Variants in CFAP251 observed in about 807,000 individuals in gnomAD.
The protein encoded by CFAP251 is cilia and flagella associated protein 251.
Under a neutral mutation model 126.7 loss-of-function variants are expected in CFAP251, and 93 were observed. That is an observed-to-expected ratio of 0.73 (90% CI 0.62 to 0.87). The LOEUF (loss-of-function observed/expected upper bound fraction) is 0.87, where lower values mean the gene tolerates loss of function less well. Among genes scored for constraint, CFAP251 ranks in the 40% least tolerant of loss-of-function variants. The pLI, the probability that CFAP251 is intolerant of heterozygous loss-of-function variation, is 0.00. For missense variants in CFAP251, 1,287 were observed against 1,389.2 expected (o/e 0.93, Z 1.17); for synonymous variants, 503 against 506.9 (o/e 0.99, Z 0.10).
intron 19 of CFAP251, among the ~76,000 whole-genome samples, chr12:121,976,966 T>C (rs1882476113): frequency 6.6e-6 from 1 of 152,258 alleles, no homozygotes; most frequent in Admixed American, 6.5e-5. Context: ...CTTTTATTAA[T>C]ATTTTCCTGT....
At chr12:122,002,037 AC>A (rs1883163123) in intron 21 of CFAP251, 1 of 202,230 alleles carries the variant, frequency 4.9e-6, no homozygotes, top group East Asian at 1.0e-4. Context: ...GGCCTGGGCA[AC>A]ATAGCGAGAT....
chr12:121,959,330 A>G (rs780826427), intron 13 of CFAP251: 4 of 402,338 alleles, frequency 9.9e-6, no homozygotes, highest in Non-Finnish European at 1.8e-5. Flanking sequence ...AGCCCCAGTT[A>G]TCCAGGAGGC....
chr12:121,925,315 T>C (rs1880367523), intron 3 of CFAP251, among the ~76,000 whole-genome samples: 1 of 152,192 alleles, frequency 6.6e-6, no homozygotes, highest in African/African-American at 2.4e-5. Context: ...TTTTTCCTTC[T>C]TCCTCCATCT....
intron 15 of CFAP251, among the ~76,000 whole-genome samples, chr12:121,964,631 C>T (rs374406884): frequency 2.0e-5 from 3 of 152,336 alleles, no homozygotes; most frequent in Non-Finnish European, 2.9e-5. Context: ...TTCAGCCGGG[C>T]GTGGTGGCTC....
intron 19 of CFAP251, among the ~76,000 whole-genome samples, chr12:121,981,411 A>C (rs149794443): frequency 5.9e-4 from 90 of 152,266 alleles, no homozygotes; most frequent in African/African-American, 1.4e-3. Flanking sequence ...TCAAGGATGC[A>C]GTGAGCCGTG....
intron 3 of CFAP251, among the ~76,000 whole-genome samples, chr12:121,926,308 C>G (rs1286440684): frequency 6.6e-6 from 1 of 151,656 alleles, no homozygotes; most frequent in Non-Finnish European, 1.5e-5. Flanking sequence ...TTCTTTCTCT[C>G]TTTCTCCTTT....
At position 121,975,556 on chromosome 12, in the gene CFAP251, CT is replaced by C. The variant is rs754391407; in HGVS notation, c.2879del (p.Phe960SerfsTer32). 1 of 1,608,610 alleles carries C rather than the reference CT, an allele frequency of 6.2e-7. No individual in the cohort carries two copies. The highest frequency in any genetic ancestry group is 1.7e-5 in the Admixed American group (1 of 58,234). On this transcript the variant is annotated frameshift_variant, in exon 19 of 22. Transcript: ENST00000288912. LOFTEE classifies it high-confidence loss of function. ...GKFYRELEDY[F>X]YYSQLRSQGI... Reference sequence around the variant, plus strand: ...TTCCTACATAGGAGCTAGAAGACTACTTCTACTATTCTCAGCTCCGCAGTCA... The same window carrying C: ...TTCCTACATAGGAGCTAGAAGACTACTCTACTATTCTCAGCTCCGCAGTCA...
chr12:121,978,311 G>A (rs1407501431), intron 19 of CFAP251, among the ~76,000 whole-genome samples: 101 of 143,820 alleles, frequency 7.0e-4, no homozygotes, highest in Non-Finnish European at 1.2e-3. Context: ...GGAGAATGGC[G>A]TGAACCCGGG....
chr12:121,999,139 G>A (rs1883093190), intron 19 of CFAP251: 1 of 152,014 alleles, frequency 6.6e-6, no homozygotes, highest in South Asian at 2.1e-4. Context: ...CTGTTTAGAT[G>A]ATCATGTGGT....
At chr12:121,925,364 CT>C (rs75611422) in intron 3 of CFAP251, among the ~76,000 whole-genome samples, 7,911 of 152,204 alleles carry the variant, frequency 0.052, 235 homozygotes, top group East Asian at 0.073. Flanking sequence ...TTCATCCTTC[CT>C]GTAGATTCAT....
At chr12:121,965,028 A>C (rs531266523) in intron 15 of CFAP251, among the ~76,000 whole-genome samples, 29 of 152,378 alleles carry the variant, frequency 1.9e-4, no homozygotes, top group Non-Finnish European at 3.7e-4. Flanking sequence ...AAGCCCTTGC[A>C]TAAAGCATCT....
chr12:121,975,557 T>G lies in CFAP251; in HGVS notation c.2878T>G (p.Phe960Val). Reference protein sequence around the residue: ...GKFYRELEDYFYYSQLRSQGI... With the variant: ...GKFYRELEDYVYYSQLRSQGI... Reference sequence around the variant, plus strand: ...TCCTACATAGGAGCTAGAAGACTACTTCTACTATTCTCAGCTCCGCAGTCA... The same window carrying G: ...TCCTACATAGGAGCTAGAAGACTACGTCTACTATTCTCAGCTCCGCAGTCA... The change falls in exon 19 of 22, where the codon TTC becomes GTC. Residue 960 changes from phenylalanine to valine, a missense_variant. Physicochemically the swap from Phe to Val is conservative, Grantham distance 50 (BLOSUM62 -1). Transcript: ENST00000288912. 5.6e-6 allele frequency: 9 copies of G among 1,608,512 alleles called. No individual in the cohort carries two copies. Among genetic ancestry groups the G allele is most frequent in the Non-Finnish European group, 7.6e-6 (9 of 1,178,658 alleles).
At chr12:121,925,881 G>A (rs1483603288) in intron 3 of CFAP251, among the ~76,000 whole-genome samples, 1 of 152,114 alleles carries the variant, frequency 6.6e-6, no homozygotes, top group African/African-American at 2.4e-5. Context: ...GTCTTGCTCT[G>A]TCACCTAGGC....
In CFAP251 at chr12:121,954,237, T is replaced by A; in HGVS notation, c.1438T>A (p.Ser480Thr). The A allele has an allele frequency of 6.2e-7, 1 of 1,614,180 alleles. No homozygotes were observed. The highest frequency in any genetic ancestry group is 8.5e-7 in the Non-Finnish European group (1 of 1,180,018). The change falls in exon 10 of 22, where the codon TCA becomes ACA. Residue 480 changes from serine to threonine, a missense_variant. Transcript: ENST00000288912. ...TGTCTGGGACATACACCGCCCACCC[T>A]CATCTGCCTCCACCTTTTTGGGCTT... The part of the protein sequence containing the change: ...LVVWDIHRPP[S>T]SASTFLGFPY...
At chr12:121,945,081 C>T (rs959936919) in intron 7 of CFAP251, among the ~76,000 whole-genome samples, 2 of 152,170 alleles carry the variant, frequency 1.3e-5, no homozygotes, top group East Asian at 3.9e-4. Flanking sequence ...CCACACCTGG[C>T]CCTCTTCTTC....
At chr12:121,927,366 G>T (rs1880460371) in intron 3 of CFAP251, among the ~76,000 whole-genome samples, 1 of 151,738 alleles carries the variant, frequency 6.6e-6, no homozygotes, top group Non-Finnish European at 1.5e-5. Flanking sequence ...GTGCTATCTT[G>T]GCTCTCTGCA....
chr12:121,992,456 G>C, intron 19 of CFAP251: 3 of 985,296 alleles, frequency 3.0e-6, no homozygotes, highest in Non-Finnish European at 3.6e-6. Flanking sequence ...GGAACTCTCT[G>C]GGTATGAGTA....
chr12:121,977,516 T>C (rs1389031598), intron 19 of CFAP251, among the ~76,000 whole-genome samples: 2 of 151,900 alleles, frequency 1.3e-5, no homozygotes, highest in African/African-American at 2.4e-5. Context: ...AAAAATTAGC[T>C]GGGCATGGTG....
chr12:121,983,422 G>A (rs1882673543), intron 19 of CFAP251, among the ~76,000 whole-genome samples: 1 of 150,834 alleles, frequency 6.6e-6, no homozygotes, highest in African/African-American at 2.4e-5. Context: ...AGGTAAGGAA[G>A]TGTCTAATTA....
Sources: allele counts gnomAD v4.1 joint callset (sites outside exome capture counted in the v4.1 genomes callset), GRCh38; gene constraint gnomAD v4.1.1; transcripts MANE v1.5; gene names NCBI Gene and HGNC (gene_info 2026-07-23, HGNC 2026-07-21).